The following AP1B1 variants were observed in gnomAD, a reference collection of about 807,000 sequenced individuals.
The protein encoded by AP1B1 is AP-1 complex subunit beta-1.
In AP1B1, 36 loss-of-function variants were observed where a neutral mutation model predicts 104.3. That is an observed-to-expected ratio of 0.35 (90% CI 0.26 to 0.46). The LOEUF (loss-of-function observed/expected upper bound fraction) is 0.46. AP1B1 is among the 20% of genes least tolerant of loss of function. The probability of loss-of-function intolerance (pLI) is 1.00; values close to 1 mark genes in which losing one functional copy is unlikely to be tolerated. For missense variants in AP1B1, 901 were observed against 1,247.9 expected (o/e 0.72, Z 4.19); for synonymous variants, 504 against 517.5 (o/e 0.97, Z 0.35).
chr22:29,373,688 C>T (rs1282226307), intron 1 of AP1B1, among the ~76,000 whole-genome samples: 7 of 151,828 alleles, frequency 4.6e-5, no homozygotes, highest in Admixed American at 6.6e-5. Context: ...GGATCACCTG[C>T]GGCCAGGAGT....
chr22:29,365,241 T>C (rs1418328711), intron 2 of AP1B1, among the ~76,000 whole-genome samples: 1 of 152,200 alleles, frequency 6.6e-6, no homozygotes, highest in Admixed American at 6.5e-5. Context: ...ATACCCACTT[T>C]GCTTTCCTAA....
chr22:29,352,961 G>A (rs970177057), intron 7 of AP1B1, among the ~76,000 whole-genome samples: 9 of 152,152 alleles, frequency 5.9e-5, no homozygotes, highest in African/African-American at 2.2e-4. Flanking sequence ...CACTAGCTGA[G>A]CCCTTTCACA....
intron 17 of AP1B1, 65 bp downstream of exon 17, chr22:29,334,200 G>A: frequency 7.0e-7 from 1 of 1,429,240 alleles, no homozygotes; most frequent in Non-Finnish European, 9.3e-7. Flanking sequence ...CCCCAGAACA[G>A]ACTCCGAGTG....
rs557758364 is a variant in AP1B1, at chr22:29,385,624, C to T, written c.-28+2800G>A. 2.0e-5 allele frequency among the ~76,000 whole-genome samples: 3 copies of T among 152,330 alleles called. No homozygotes were observed. In the East Asian group the frequency reaches 5.8e-4, roughly 29 times the overall value. Reference sequence around the variant, plus strand: ...AAGGATTCCCCAACTGCTCTGTTGACATTTTTTCTCAGGAGTATTTGTTCC... The same window carrying T: ...AAGGATTCCCCAACTGCTCTGTTGATATTTTTTCTCAGGAGTATTTGTTCC... On this transcript the variant is annotated intron_variant, in intron 1 of 22. Transcript: ENST00000357586.
At chr22:29,357,513 G>A (rs1317056391) in intron 5 of AP1B1, among the ~76,000 whole-genome samples, 1 of 151,718 alleles carries the variant, frequency 6.6e-6, no homozygotes, top group Non-Finnish European at 1.5e-5. Flanking sequence ...TTACAGGCAC[G>A]CACCACCATG....
chr22:29,354,385 C>T (rs1021853775), intron 7 of AP1B1, among the ~76,000 whole-genome samples: 1 of 152,176 alleles, frequency 6.6e-6, no homozygotes. Context: ...ATTCTGTGCA[C>T]TGTAGGATGC....
chr22:29,339,512 G>C (rs116283882), intron 15 of AP1B1, among the ~76,000 whole-genome samples: 1 of 151,962 alleles, frequency 6.6e-6, no homozygotes. Flanking sequence ...GGCAATCCCC[G>C]CGATGACAAG....
chr22:29,351,035 C>T (rs2061866021), intron 9 of AP1B1, 136 bp downstream of exon 9: 1 of 802,102 alleles, frequency 1.2e-6, no homozygotes, highest in East Asian at 2.5e-5. Context: ...CAATGCTTGC[C>T]ATGGGGGCTC....
At chr22:29,358,131 G>A (rs1208434075) in intron 5 of AP1B1, among the ~76,000 whole-genome samples, 1 of 152,174 alleles carries the variant, frequency 6.6e-6, no homozygotes, top group Non-Finnish European at 1.5e-5. Context: ...GGGAATGGCT[G>A]GGTTTGTGCA....
At chr22:29,334,643 G>C (rs1377898908) in intron 16 of AP1B1, among the ~76,000 whole-genome samples, 2 of 152,248 alleles carry the variant, frequency 1.3e-5, no homozygotes, top group Non-Finnish European at 2.9e-5. Context: ...CTCAGGGTGG[G>C]GAGGCACTTC....
chr22:29,372,411 C>T (rs938415724), intron 1 of AP1B1, among the ~76,000 whole-genome samples: 18 of 131,404 alleles, frequency 1.4e-4, no homozygotes, highest in African/African-American at 5.2e-4. Flanking sequence ...GCAACAAGAA[C>T]GAAACTGGGT....
At chr22:29,338,389 C>T (rs142368852) in intron 16 of AP1B1, among the ~76,000 whole-genome samples, 230 of 152,340 alleles carry the variant, frequency 1.5e-3, no homozygotes, top group African/African-American at 5.2e-3. Context: ...TTGCCACAGT[C>T]ACAGTGACTT....
chr22:29,329,359 G>A, intron 22 of AP1B1: 1 of 1,212,552 alleles, frequency 8.2e-7, no homozygotes, highest in Non-Finnish European at 1.0e-6. Flanking sequence ...TAGAGACTTT[G>A]CCTCCGCTCT....
At chr22:29,367,719 T>G (rs1297668795) in intron 1 of AP1B1, among the ~76,000 whole-genome samples, 4 of 152,200 alleles carry the variant, frequency 2.6e-5, no homozygotes, top group African/African-American at 7.2e-5. Flanking sequence ...CTGTCCTAAA[T>G]GCTTGGCACA....
chr22:29,330,109 C>T, intron 21 of AP1B1: 1 of 1,417,030 alleles, frequency 7.1e-7, no homozygotes. Flanking sequence ...GTCAGGGGTG[C>T]CAAACCAACT....
chr22:29,329,145 A>G, intron 22 of AP1B1: 2 of 1,321,168 alleles, frequency 1.5e-6, no homozygotes, highest in Non-Finnish European at 9.7e-7. Context: ...CCTGCTGGCG[A>G]GCAGTGTGAG....
chr22:29,379,510 G>A (rs1056362983), intron 1 of AP1B1, among the ~76,000 whole-genome samples: 1 of 152,194 alleles, frequency 6.6e-6, no homozygotes, highest in Non-Finnish European at 1.5e-5. Context: ...AATTAACAGT[G>A]TAGAGCACCA....
At chr22:29,340,887 A>C in intron 13 of AP1B1, 30 bp from the exon 14 acceptor site, 4 of 1,567,618 alleles carry the variant, frequency 2.6e-6, no homozygotes, top group Non-Finnish European at 3.5e-6. Context: ...GGGTGGAGGC[A>C]TCAGGATGTC....
intron 11 of AP1B1, 32 bp from the exon 12 acceptor site, chr22:29,342,415 G>A (rs1238943525): frequency 1.3e-6 from 2 of 1,574,598 alleles, no homozygotes; most frequent in East Asian, 4.5e-5. Context: ...AGGAGGAAGT[G>A]TGGGCCTCAC....
Sources: allele counts gnomAD v4.1 joint callset (sites outside exome capture counted in the v4.1 genomes callset), GRCh38; gene constraint gnomAD v4.1.1; transcripts MANE v1.5; gene names NCBI Gene and HGNC (gene_info 2026-07-23, HGNC 2026-07-21).